The following KCNAB1 variants were observed in gnomAD, a reference collection of about 807,000 sequenced individuals.
The protein encoded by KCNAB1 is potassium voltage-gated channel subfamily A regulatory beta subunit 1.
In KCNAB1, 35 loss-of-function variants were observed where a neutral mutation model predicts 64.6. The ratio of observed to expected loss-of-function variants is 0.54; its 90% CI spans 0.41 to 0.72. The LOEUF (loss-of-function observed/expected upper bound fraction) is 0.72, where lower values mean the gene tolerates loss of function less well. KCNAB1 is among the 30% of genes least tolerant of loss of function. The pLI is 0.00. For missense variants in KCNAB1, 401 were observed against 512.9 expected (o/e 0.78, Z 2.11); for synonymous variants, 177 against 183.8 (o/e 0.96, Z 0.30).
At chr3:156,477,544 G>A (rs1297592741) in intron 8 of KCNAB1, among the ~76,000 whole-genome samples, 1 of 152,118 alleles carries the variant, frequency 6.6e-6, no homozygotes, top group Non-Finnish European at 1.5e-5. Flanking sequence ...GGAGGACCCT[G>A]CAGGGACATT....
At chr3:156,175,844 T>G (rs1712333614) in intron 1 of KCNAB1, 2 of 673,866 alleles carry the variant, frequency 3.0e-6, no homozygotes, top group African/African-American at 1.8e-5. Flanking sequence ...CAAGTAGCCT[T>G]GGAGTCTTCC....
chr3:156,488,311 A>G (rs964796534), intron 8 of KCNAB1, among the ~76,000 whole-genome samples: 3 of 149,364 alleles, frequency 2.0e-5, no homozygotes, highest in Admixed American at 1.3e-4. Context: ...AAAAAAAAAG[A>G]AAAACTAAAG....
chr3:156,252,389 A>G (rs1717882427), intron 1 of KCNAB1, among the ~76,000 whole-genome samples: 1 of 152,188 alleles, frequency 6.6e-6, no homozygotes, highest in East Asian at 1.9e-4. Flanking sequence ...TGATAAACCA[A>G]CACTTTTATT....
intron 1 of KCNAB1, among the ~76,000 whole-genome samples, chr3:156,285,183 G>C (rs978961888): frequency 6.6e-6 from 1 of 152,044 alleles, no homozygotes; most frequent in African/African-American, 2.4e-5. Context: ...ATGTGTACTC[G>C]GGTTGATATT....
intron 2 of KCNAB1, among the ~76,000 whole-genome samples, chr3:156,442,319 A>G (rs1423404389): frequency 1.3e-5 from 2 of 152,178 alleles, no homozygotes; most frequent in Admixed American, 6.5e-5. Context: ...AGTCTGCTTT[A>G]TAACACAAAA....
intron 1 of KCNAB1, among the ~76,000 whole-genome samples, chr3:156,230,256 T>A (rs1716440467): frequency 1.3e-5 from 2 of 152,232 alleles, no homozygotes. Flanking sequence ...CTCATAAGAC[T>A]ATATTTGTGC....
chr3:156,149,812 A>G (rs1273724004), intron 1 of KCNAB1, among the ~76,000 whole-genome samples: 1 of 152,156 alleles, frequency 6.6e-6, no homozygotes, highest in East Asian at 1.9e-4. Context: ...CCTAAATTGC[A>G]CTTACTTTCA....
At chr3:156,159,963 G>A (rs1245861141) in intron 1 of KCNAB1, among the ~76,000 whole-genome samples, 2 of 152,208 alleles carry the variant, frequency 1.3e-5, no homozygotes, top group Non-Finnish European at 2.9e-5. Context: ...AAAGAGCCAT[G>A]ACAACCAGGT....
intron 1 of KCNAB1, among the ~76,000 whole-genome samples, chr3:156,400,732 T>C (rs1713828899): frequency 1.3e-5 from 2 of 152,200 alleles, no homozygotes; most frequent in African/African-American, 2.4e-5. Flanking sequence ...TCAAATTTAC[T>C]TCTGACGTTG....
chr3:156,121,110 C>T lies in KCNAB1; in HGVS notation c.275+224C>T, dbSNP rs1208800442. ...TCAGAAAAGACCTCTTACAAGGAGG[C>T]AGTAGATGCTTAGGAGCTGACAGGA... On this transcript the variant is annotated intron_variant, in intron 1 of 13. Coordinates refer to ENST00000490337, the MANE Select transcript of KCNAB1 (RefSeq NM_172160.3). 2.6e-5 allele frequency among the ~76,000 whole-genome samples: 4 copies of T among 152,116 alleles called. No homozygotes were observed. In the East Asian group the frequency reaches 5.8e-4, roughly 22 times the overall value.
chr3:156,242,141 A>C (rs762765852), intron 1 of KCNAB1, among the ~76,000 whole-genome samples: 55 of 152,192 alleles, frequency 3.6e-4, no homozygotes, highest in Non-Finnish European at 6.6e-4. Context: ...TCCATTGTGC[A>C]GTGTGCTCTG....
chr3:156,269,724 A>G (rs1275124369), intron 1 of KCNAB1, among the ~76,000 whole-genome samples: 2 of 152,088 alleles, frequency 1.3e-5, no homozygotes, highest in East Asian at 3.8e-4. Flanking sequence ...TCATTATGTA[A>G]TGACCTTTGT....
At chr3:156,156,837 A>G (rs1715754301) in intron 1 of KCNAB1, among the ~76,000 whole-genome samples, 1 of 152,180 alleles carries the variant, frequency 6.6e-6, no homozygotes, top group South Asian at 2.1e-4. Context: ...AAATATAAAT[A>G]TATAAATCTT....
At chr3:156,371,735 T>C (rs1726320705) in intron 1 of KCNAB1, among the ~76,000 whole-genome samples, 1 of 152,174 alleles carries the variant, frequency 6.6e-6, no homozygotes, top group Non-Finnish European at 1.5e-5. Flanking sequence ...TTTTTCAGTA[T>C]TTTGCATATA....
chr3:156,247,065 T>TG (rs1366913186), intron 1 of KCNAB1, among the ~76,000 whole-genome samples: 1 of 152,114 alleles, frequency 6.6e-6, no homozygotes, highest in Non-Finnish European at 1.5e-5. Context: ...TATGATTGAC[T>TG]GGGAAAAAAA....
intron 1 of KCNAB1, among the ~76,000 whole-genome samples, chr3:156,331,645 T>A (rs547181124): frequency 6.0e-4 from 91 of 152,252 alleles, no homozygotes; most frequent in South Asian, 1.7e-3. Context: ...GCTTTTTTTT[T>A]AAATTATGAA....
chr3:156,372,693 G>T (rs1726396198), intron 1 of KCNAB1, among the ~76,000 whole-genome samples: 1 of 152,232 alleles, frequency 6.6e-6, no homozygotes, highest in Non-Finnish European at 1.5e-5. Context: ...GGTAGAGGAA[G>T]ATGCTTCAAC....
At chr3:156,494,545 C>G (rs1715863951) in intron 8 of KCNAB1, among the ~76,000 whole-genome samples, 1 of 152,146 alleles carries the variant, frequency 6.6e-6, no homozygotes, top group African/African-American at 2.4e-5. Flanking sequence ...AACTAATGAC[C>G]TGTTTCTCCA....
At chr3:156,183,356 A>G (rs1712991286) in intron 1 of KCNAB1, among the ~76,000 whole-genome samples, 2 of 152,210 alleles carry the variant, frequency 1.3e-5, no homozygotes, top group African/African-American at 4.8e-5. Context: ...CATTGAGGCC[A>G]CGGGATTCGG....
Sources: allele counts gnomAD v4.1 joint callset (sites outside exome capture counted in the v4.1 genomes callset), GRCh38; gene constraint gnomAD v4.1.1; transcripts MANE v1.5; gene names NCBI Gene and HGNC (gene_info 2026-07-23, HGNC 2026-07-21).